Variants in GPC5 observed in about 807,000 individuals in gnomAD.
The protein encoded by GPC5 is glypican 5.
In GPC5, 47 loss-of-function variants were observed where a neutral mutation model predicts 53.9. The observed-to-expected ratio is 0.87, with a 90% CI of 0.69 to 1.11. GPC5 has a LOEUF of 1.11. Ranked by LOEUF, GPC5 falls within the 50% of genes most tolerant of loss-of-function variation. GPC5 has a pLI of 0.00. For missense variants in GPC5, 748 were observed against 713.1 expected (o/e 1.05, Z -0.56); for synonymous variants, 286 against 263.3 (o/e 1.09, Z -0.84).
At chr13:91,735,885 T>C (rs2036803353) in intron 4 of GPC5, among the ~76,000 whole-genome samples, 1 of 151,296 alleles carries the variant, frequency 6.6e-6, no homozygotes, top group Admixed American at 6.6e-5. Context: ...AGAAGCAAAC[T>C]ATCCACATCT....
intron 6 of GPC5, chr13:91,994,857 A>G (rs752307406): frequency 1.9e-4 from 7 of 36,436 alleles, no homozygotes; most frequent in Non-Finnish European, 3.5e-4. Context: ...TGAGGCTACT[A>G]TGTTCTGAAA....
intron 7 of GPC5, among the ~76,000 whole-genome samples, chr13:92,829,099 G>T (rs1344917124): frequency 3.3e-5 from 5 of 152,102 alleles, no homozygotes; most frequent in Non-Finnish European, 7.4e-5. Flanking sequence ...AGTTAGGAAT[G>T]GAAACAGATG....
intron 5 of GPC5, among the ~76,000 whole-genome samples, chr13:91,872,867 A>G (rs2039162833): frequency 6.6e-6 from 1 of 152,202 alleles, no homozygotes; most frequent in Non-Finnish European, 1.5e-5. Context: ...GTTTTAAAAA[A>G]CACTCATGGA....
chr13:91,709,268 T>C (rs1330068774), intron 3 of GPC5, among the ~76,000 whole-genome samples: 2 of 152,242 alleles, frequency 1.3e-5, no homozygotes, highest in East Asian at 1.9e-4. Context: ...AGATAAAATA[T>C]ATTATGCTTG....
chr13:92,558,355 G>A (rs1485216824), intron 7 of GPC5, among the ~76,000 whole-genome samples: 1 of 151,958 alleles, frequency 6.6e-6, no homozygotes, highest in East Asian at 1.9e-4. Context: ...ACTAACATAT[G>A]CAAGTGACAT....
At chr13:91,425,717 A>G (rs894015889) in intron 1 of GPC5, among the ~76,000 whole-genome samples, 1 of 152,180 alleles carries the variant, frequency 6.6e-6, no homozygotes, top group South Asian at 2.1e-4. Flanking sequence ...CAATAAATGG[A>G]TACCATGGAG....
At chr13:92,051,901 C>T (rs1001260455) in intron 6 of GPC5, among the ~76,000 whole-genome samples, 1 of 152,134 alleles carries the variant, frequency 6.6e-6, no homozygotes, top group African/African-American at 2.4e-5. Flanking sequence ...AGAGCTGATG[C>T]ATAAGTCCCT....
chr13:92,035,607 A>G (rs1159151397), intron 6 of GPC5, among the ~76,000 whole-genome samples: 1 of 152,138 alleles, frequency 6.6e-6, no homozygotes, highest in Non-Finnish European at 1.5e-5. Context: ...GAGATTAGCC[A>G]TTTTTGAACT....
At chr13:92,256,367 A>C (rs2042726564) in intron 7 of GPC5, among the ~76,000 whole-genome samples, 1 of 151,996 alleles carries the variant, frequency 6.6e-6, no homozygotes, top group Non-Finnish European at 1.5e-5. Flanking sequence ...ACAACAACAA[A>C]AAATGAGAAT....
At chr13:91,493,623 C>T (rs1201235997) in intron 2 of GPC5, among the ~76,000 whole-genome samples, 2 of 152,038 alleles carry the variant, frequency 1.3e-5, no homozygotes, top group African/African-American at 2.4e-5. Flanking sequence ...AAATAAAAAA[C>T]CAACTCGCAA....
At chr13:92,498,845 G>A (rs1342318685) in intron 7 of GPC5, among the ~76,000 whole-genome samples, 1 of 152,030 alleles carries the variant, frequency 6.6e-6, no homozygotes, top group Non-Finnish European at 1.5e-5. Flanking sequence ...ATATTATCCG[G>A]CATAGATAAA....
chr13:91,543,785 TGTAAAGAG>T lies in GPC5; in HGVS notation c.325+94864_325+94871del, dbSNP rs539141504. Among the ~76,000 whole-genome samples the T allele has an allele frequency of 1.0e-3, 154 of 152,308 alleles. 1 individual carries two copies. The highest frequency in any genetic ancestry group is 3.6e-3 in the African/African-American group (150 of 41,588). On this transcript the variant is annotated intron_variant, in intron 2 of 7. Coordinates refer to ENST00000377067, the MANE Select transcript of GPC5 (RefSeq NM_004466.6). ...CTCTTTTTGTTGTTGTTGAATTAATTGTAAAGAGATAGAGACTCTTGGCAAATTATTTT... is the reference window on the plus strand; with the variant it reads ...CTCTTTTTGTTGTTGTTGAATTAATTATAGAGACTCTTGGCAAATTATTTT...
At chr13:92,814,037 G>C (rs1258554159) in intron 7 of GPC5, among the ~76,000 whole-genome samples, 1 of 151,930 alleles carries the variant, frequency 6.6e-6, no homozygotes, top group East Asian at 1.9e-4. Context: ...ACAGACATGT[G>C]GATGAAAGGA....
intron 2 of GPC5, among the ~76,000 whole-genome samples, chr13:91,465,231 G>T (rs989234348): frequency 2.6e-5 from 4 of 151,892 alleles, no homozygotes; most frequent in African/African-American, 9.7e-5. Context: ...TTATTGTAGG[G>T]GCAATTAACA....
rs1489436358 is a variant in GPC5, at chr13:91,530,858, C to T, written c.325+81936C>T. ...TGTATGACTATAACCCCCAATTTGG[C>T]CATATTCTTAATTCTGTTAATTTAT... is the stretch of plus-strand genomic sequence containing the variant. On this transcript the variant is annotated intron_variant, in intron 2 of 7. Transcript: ENST00000377067. Among the ~76,000 whole-genome samples the T allele has an allele frequency of 6.6e-5, 10 of 152,246 alleles. No homozygotes were observed. In the South Asian group the frequency reaches 1.9e-3, roughly 28 times the overall value.
At chr13:92,376,792 G>A (rs796463275) in intron 7 of GPC5, among the ~76,000 whole-genome samples, 28 of 152,064 alleles carry the variant, frequency 1.8e-4, no homozygotes, top group African/African-American at 5.3e-4. Flanking sequence ...TAAGGCGGGC[G>A]GATCACCAGG....
At chr13:92,537,227 ATAGTG>A (rs747986600) in intron 7 of GPC5, among the ~76,000 whole-genome samples, 1 of 152,162 alleles carries the variant, frequency 6.6e-6, no homozygotes, top group Non-Finnish European at 1.5e-5. Flanking sequence ...CAGATTTACA[ATAGTG>A]TAGTTGGTAT....
chr13:92,649,475 A>G (rs1368863670), intron 7 of GPC5, among the ~76,000 whole-genome samples: 1 of 152,142 alleles, frequency 6.6e-6, no homozygotes, highest in Non-Finnish European at 1.5e-5. Flanking sequence ...ATTGGCATTG[A>G]GTTTCAAATC....
At chr13:92,814,858 A>T (rs911173806) in intron 7 of GPC5, among the ~76,000 whole-genome samples, 1 of 151,868 alleles carries the variant, frequency 6.6e-6, no homozygotes, top group African/African-American at 2.4e-5. Context: ...TGATCAACGA[A>T]TTTCTCTAAC....
Sources: allele counts gnomAD v4.1 joint callset (sites outside exome capture counted in the v4.1 genomes callset), GRCh38; gene constraint gnomAD v4.1.1; transcripts MANE v1.5; gene names NCBI Gene and HGNC (gene_info 2026-07-23, HGNC 2026-07-21).